Variants in SEMA6D observed in about 807,000 individuals in gnomAD.
The protein encoded by SEMA6D is semaphorin 6D, also known as semaphorin-6D.
Under a neutral mutation model 106.6 loss-of-function variants are expected in SEMA6D, and 35 were observed. That is an observed-to-expected ratio of 0.33 (90% CI 0.25 to 0.44). The LOEUF is 0.44. Among genes scored for constraint, SEMA6D ranks in the 20% least tolerant of loss-of-function variants. The probability of loss-of-function intolerance (pLI) is 1.00; values close to 1 mark genes in which losing one functional copy is unlikely to be tolerated. For synonymous variants in SEMA6D, 499 were observed against 487.7 expected, an observed-to-expected ratio of 1.02 and a Z score of -0.31; for missense variants, 1,185 against 1,345.9, an observed-to-expected ratio of 0.88 and a Z score of 1.87.
chr15:47,379,827 G>A (rs1376208217), intron 1 of SEMA6D, among the ~76,000 whole-genome samples: 3 of 152,004 alleles, frequency 2.0e-5, no homozygotes, highest in African/African-American at 7.3e-5. Context: ...GCGCAATCTC[G>A]GCTCACAGCA....
chr15:47,681,240 G>A (rs2078346839), intron 4 of SEMA6D, among the ~76,000 whole-genome samples: 2 of 152,162 alleles, frequency 1.3e-5, no homozygotes, highest in South Asian at 2.1e-4. Flanking sequence ...AAAATAGTAT[G>A]TACATACATT....
intron 3 of SEMA6D, among the ~76,000 whole-genome samples, chr15:47,506,284 C>A (rs1200536916): frequency 6.6e-6 from 1 of 152,140 alleles, no homozygotes; most frequent in Non-Finnish European, 1.5e-5. Context: ...TCTTAGAGGG[C>A]ACCTTTAGGT....
chr15:47,427,405 C>T (rs2041376722), intron 2 of SEMA6D, among the ~76,000 whole-genome samples: 1 of 152,186 alleles, frequency 6.6e-6, no homozygotes, highest in African/African-American at 2.4e-5. Context: ...GTTAAATGCG[C>T]TGAGAAATAT....
chr15:47,286,133 C>T (rs2035350901), intron 1 of SEMA6D, among the ~76,000 whole-genome samples: 2 of 152,150 alleles, frequency 1.3e-5, no homozygotes, highest in African/African-American at 4.8e-5. Flanking sequence ...TTCATGGTCC[C>T]TTATCTCCTT....
chr15:47,704,158 A>T (rs1171967606), intron 4 of SEMA6D, among the ~76,000 whole-genome samples: 1 of 151,854 alleles, frequency 6.6e-6, no homozygotes, highest in Non-Finnish European at 1.5e-5. Context: ...TTTCTTTTTT[A>T]AAATTTTTGT....
At chr15:47,407,575 A>G (rs1245982503) in intron 1 of SEMA6D, among the ~76,000 whole-genome samples, 2 of 152,160 alleles carry the variant, frequency 1.3e-5, no homozygotes, top group Admixed American at 1.3e-4. Context: ...ACTGAGGAGC[A>G]GAGAAGTTGA....
chr15:47,656,921 C>G (rs1566964990), intron 4 of SEMA6D, among the ~76,000 whole-genome samples: 1 of 152,068 alleles, frequency 6.6e-6, no homozygotes. Context: ...TAATGAGTGA[C>G]AAAAGTGACA....
At chr15:47,680,916 T>G (rs2078339380) in intron 4 of SEMA6D, among the ~76,000 whole-genome samples, 1 of 152,122 alleles carries the variant, frequency 6.6e-6, no homozygotes, top group South Asian at 2.1e-4. Flanking sequence ...AGGACAGCCA[T>G]TATCAAAACA....
intron 3 of SEMA6D, among the ~76,000 whole-genome samples, chr15:47,517,108 C>T (rs962732337): frequency 1.3e-5 from 2 of 152,038 alleles, no homozygotes; most frequent in African/African-American, 2.4e-5. Flanking sequence ...GTTTTTAGTT[C>T]TTTAGCTGTA....
chr15:47,550,416 G>A (rs965593140), intron 3 of SEMA6D, among the ~76,000 whole-genome samples: 1 of 152,112 alleles, frequency 6.6e-6, no homozygotes, highest in Non-Finnish European at 1.5e-5. Context: ...ATGACAAATG[G>A]CACTATGTTA....
intron 1 of SEMA6D, among the ~76,000 whole-genome samples, chr15:47,214,726 G>A (rs2030395491): frequency 6.6e-6 from 1 of 152,120 alleles, no homozygotes; most frequent in Non-Finnish European, 1.5e-5. Context: ...GGGAAATTGT[G>A]ATCACTTCTA....
At chr15:47,699,456 G>A (rs1404451708) in intron 4 of SEMA6D, among the ~76,000 whole-genome samples, 1 of 152,164 alleles carries the variant, frequency 6.6e-6, no homozygotes. Flanking sequence ...GGCTTTACTT[G>A]TCTCTATGCA....
intron 1 of SEMA6D, among the ~76,000 whole-genome samples, chr15:47,290,643 CAT>C (rs1437234148): frequency 1.7e-5 from 2 of 119,354 alleles, no homozygotes; most frequent in Non-Finnish European, 3.6e-5. Flanking sequence ...CACACACACA[CAT>C]ATATTCAAAT....
intron 1 of SEMA6D, among the ~76,000 whole-genome samples, chr15:47,266,113 G>A (rs2034304046): frequency 1.3e-5 from 2 of 152,100 alleles, no homozygotes; most frequent in African/African-American, 4.8e-5. Flanking sequence ...ATCCCAGCAG[G>A]GCTCTTCCCT....
At chr15:47,633,897 C>G (rs1274165068) in intron 4 of SEMA6D, among the ~76,000 whole-genome samples, 1 of 152,160 alleles carries the variant, frequency 6.6e-6, no homozygotes, top group Non-Finnish European at 1.5e-5. Flanking sequence ...CCTCTGTCAT[C>G]TCCACTCTAC....
chr15:47,686,258 G>GA (rs943418362), intron 4 of SEMA6D, among the ~76,000 whole-genome samples: 53 of 147,876 alleles, frequency 3.6e-4, no homozygotes, highest in East Asian at 9.8e-4. Flanking sequence ...AAGGCAAAAA[G>GA]AAAAAAAAAA....
chr15:47,379,823 T>C (rs1274405224), intron 1 of SEMA6D, among the ~76,000 whole-genome samples: 1 of 152,228 alleles, frequency 6.6e-6, no homozygotes, highest in East Asian at 1.9e-4. Flanking sequence ...AATGGCGCAA[T>C]CTCGGCTCAC....
At chr15:47,299,348 A>G (rs1289561500) in intron 1 of SEMA6D, among the ~76,000 whole-genome samples, 1 of 152,198 alleles carries the variant, frequency 6.6e-6, no homozygotes, top group Non-Finnish European at 1.5e-5. Flanking sequence ...CCTACTTTAT[A>G]AGCCAAATTT....
chr15:47,513,043 C>A (rs970903101), intron 3 of SEMA6D, among the ~76,000 whole-genome samples: 1 of 152,094 alleles, frequency 6.6e-6, no homozygotes, highest in African/African-American at 2.4e-5. Context: ...GTGGCACGTT[C>A]TCAAATTTCA....
Sources: gnomAD v4.1 joint callset for allele counts (sites outside exome capture counted in the v4.1 genomes callset) on GRCh38, gnomAD v4.1.1 for gene constraint, MANE v1.5 for transcripts, NCBI Gene and HGNC (gene_info 2026-07-23, HGNC 2026-07-21) for gene names.